Variants in LRSAM1 observed in about 807,000 individuals in gnomAD.
LRSAM1 encodes the protein leucine rich repeat and sterile alpha motif containing 1.
In LRSAM1, 96 loss-of-function variants were observed where a neutral mutation model predicts 118.1. That is an observed-to-expected ratio of 0.81 (90% CI 0.69 to 0.96). The LOEUF (loss-of-function observed/expected upper bound fraction) is 0.96, where lower values mean the gene tolerates loss of function less well. Ranked by LOEUF, LRSAM1 falls within the 40% of genes least tolerant of loss-of-function variation. The pLI is 0.00. For synonymous variants in LRSAM1, 322 were observed against 364.2 expected (o/e 0.88, Z 1.32); for missense variants, 804 against 915.5 (o/e 0.88, Z 1.57).
chr9:127,464,325 G>A (rs933594893), intron 9 of LRSAM1, among the ~76,000 whole-genome samples: 5 of 152,066 alleles, frequency 3.3e-5, no homozygotes, highest in Non-Finnish European at 5.9e-5. Flanking sequence ...TGTCCAGAGC[G>A]GCAGCCACTG....
intron 10 of LRSAM1, among the ~76,000 whole-genome samples, chr9:127,469,712 C>T (rs770441992): frequency 6.6e-6 from 1 of 151,958 alleles, no homozygotes; most frequent in Non-Finnish European, 1.5e-5. Context: ...GCCTGTAATC[C>T]CAGCACTTTG....
intron 21 of LRSAM1, among the ~76,000 whole-genome samples, chr9:127,493,442 G>C (rs1382878387): frequency 6.6e-6 from 1 of 152,150 alleles, no homozygotes; most frequent in East Asian, 1.9e-4. Flanking sequence ...TTTAAACGTG[G>C]CATGCTGCAT....
chr9:127,503,128 G>T lies in LRSAM1; in HGVS notation c.*229G>T. 1 of 594,014 alleles carries T rather than the reference G, an allele frequency of 1.7e-6. No individual in the cohort carries two copies. Among genetic ancestry groups the T allele is most frequent in the Non-Finnish European group, 2.9e-6 (1 of 339,706 alleles). The allele number at this position is 594,014 out of a possible 1,614,324, so 36.8% of individuals were successfully genotyped here. ...CTGAATGGTCCTGGGGGCTGGGGCT[G>T]GAGAGGCCGCTGCACCACCACCCGA... On this transcript the variant is annotated 3_prime_UTR_variant, in exon 26 of 26. Coordinates refer to ENST00000300417, the MANE Select transcript of LRSAM1 (RefSeq NM_001005373.4).
chr9:127,469,456 C>T (rs1321391832), intron 10 of LRSAM1, among the ~76,000 whole-genome samples: 1 of 145,916 alleles, frequency 6.9e-6, no homozygotes, highest in African/African-American at 2.5e-5. Context: ...GATGACAGAG[C>T]AAAACTCCAT....
In LRSAM1 at chr9:127,451,648, C is replaced by T. The variant is rs1834325217; in HGVS notation, c.-210C>T. 4.6e-6 allele frequency: 2 copies of T among 439,246 alleles called. No individual in the cohort carries two copies. The highest frequency in any genetic ancestry group is 7.8e-5 in the East Asian group (2 of 25,764). The allele number at this position is 439,246 out of a possible 1,614,324, so 27.2% of individuals were successfully genotyped here. A position where few individuals can be genotyped will look rare whatever the true frequency, so the allele number is the denominator to read the frequency against. Reference sequence around the variant, plus strand: ...GTGGCTCCGGTGATCCCAGCCCTAGCTGTTTCCCATATTCCTTTATCGTGA... The same window carrying T: ...GTGGCTCCGGTGATCCCAGCCCTAGTTGTTTCCCATATTCCTTTATCGTGA... On this transcript the variant is annotated 5_prime_UTR_variant, in exon 1 of 26. Coordinates refer to ENST00000300417, the MANE Select transcript of LRSAM1 (RefSeq NM_001005373.4).
intron 20 of LRSAM1, 94 bp from the exon 21 acceptor site, chr9:127,492,708 T>G: frequency 8.6e-7 from 1 of 1,163,648 alleles, no homozygotes. Context: ...GAGAACCGAG[T>G]GAGCGGGAGG....
intron 9 of LRSAM1, among the ~76,000 whole-genome samples, chr9:127,466,505 T>TATATATATATA (rs61032058): frequency 2.4e-3 from 45 of 18,908 alleles, no homozygotes; most frequent in Admixed American, 6.1e-3. Flanking sequence ...TATATATATA[T>TATATATATATA]TTTTTTTTTT....
At chr9:127,492,951 C>A (rs1835989399) in intron 21 of LRSAM1, 54 bp downstream of exon 21, 2 of 1,471,676 alleles carry the variant, frequency 1.4e-6, no homozygotes, top group Non-Finnish European at 9.5e-7. Flanking sequence ...TTTTCTTTAA[C>A]AGACTTGCCA....
chr9:127,476,667 T>C (rs534392052), intron 11 of LRSAM1, among the ~76,000 whole-genome samples: 4 of 152,146 alleles, frequency 2.6e-5, no homozygotes, highest in African/African-American at 7.2e-5. Flanking sequence ...TCGAGGGTGA[T>C]GGAATTGTTT....
chr9:127,478,438 G>T (rs1817806848), intron 11 of LRSAM1, among the ~76,000 whole-genome samples: 1 of 152,244 alleles, frequency 6.6e-6, no homozygotes, highest in Non-Finnish European at 1.5e-5. Context: ...ATAGTCCACT[G>T]TATGGATGCA....
At chr9:127,466,823 A>G (rs934907416) in intron 9 of LRSAM1, among the ~76,000 whole-genome samples, 13 of 151,990 alleles carry the variant, frequency 8.6e-5, no homozygotes, top group Non-Finnish European at 1.6e-4. Flanking sequence ...CCTGGGTAAC[A>G]TAGTAGGACT....
chr9:127,487,411 G>A, intron 17 of LRSAM1: 1 of 422,926 alleles, frequency 2.4e-6, no homozygotes, highest in African/African-American at 2.0e-5. Flanking sequence ...GGGGGTGCTG[G>A]GGAGGGGATT....
At chr9:127,478,882 G>C in intron 11 of LRSAM1, 52 bp from the exon 12 acceptor site, 1 of 1,601,234 alleles carries the variant, frequency 6.2e-7, no homozygotes, top group Non-Finnish European at 8.6e-7. Flanking sequence ...CCCATGCCAG[G>C]GAGAACCACT....
At chr9:127,502,350 C>T (rs1309408376) in intron 25 of LRSAM1, among the ~76,000 whole-genome samples, 6 of 152,088 alleles carry the variant, frequency 3.9e-5, no homozygotes, top group Admixed American at 1.3e-4. Context: ...GTCAAATGCC[C>T]GAAGGCCCCA....
chr9:127,461,070 G>T (rs1218198345), intron 7 of LRSAM1, 103 bp from the exon 8 acceptor site: 10 of 777,352 alleles, frequency 1.3e-5, no homozygotes, highest in South Asian at 1.1e-4. Context: ...TGGCCAGGCT[G>T]GTCTTGAACT....
Position 127,494,636 on chromosome 9 carries a change from A to G in LRSAM1, c.1600-684A>G, listed in dbSNP as rs551105962. Reference sequence around the variant, plus strand: ...ACAGTACTCAACGAAGAGTTATCGAATGGCAGAATAAAAGAATCACATTCA... The same window carrying G: ...ACAGTACTCAACGAAGAGTTATCGAGTGGCAGAATAAAAGAATCACATTCA... On this transcript the variant is annotated intron_variant, in intron 21 of 25. Coordinates refer to ENST00000300417, the MANE Select transcript of LRSAM1 (RefSeq NM_001005373.4). Among the ~76,000 whole-genome samples the G allele has an allele frequency of 2.6e-5, 4 of 152,332 alleles. No individual in the cohort carries two copies. In the South Asian group the frequency reaches 6.2e-4, roughly 24 times the overall value.
At chr9:127,484,348 C>T (rs1053543049) in intron 16 of LRSAM1, among the ~76,000 whole-genome samples, 1 of 145,710 alleles carries the variant, frequency 6.9e-6, no homozygotes, top group Non-Finnish European at 1.5e-5. Context: ...TAGTAAATAA[C>T]GTTGCATTTC....
intron 7 of LRSAM1, among the ~76,000 whole-genome samples, chr9:127,460,493 G>T (rs1834695015): frequency 6.6e-6 from 1 of 152,220 alleles, no homozygotes; most frequent in Non-Finnish European, 1.5e-5. Flanking sequence ...GGGAACTAGA[G>T]CCTCCTGTGC....
At chr9:127,483,625 TA>T (rs1835619767) in intron 16 of LRSAM1, among the ~76,000 whole-genome samples, 1 of 152,148 alleles carries the variant, frequency 6.6e-6, no homozygotes, top group Non-Finnish European at 1.5e-5. Flanking sequence ...AATTGTAAAA[TA>T]TGCATCATGT....
Sources: gnomAD v4.1 joint callset for allele counts (sites outside exome capture counted in the v4.1 genomes callset) on GRCh38, gnomAD v4.1.1 for gene constraint, MANE v1.5 for transcripts, NCBI Gene and HGNC (gene_info 2026-07-23, HGNC 2026-07-21) for gene names.